The following DNAL1 variants were observed in gnomAD, a reference collection of about 807,000 sequenced individuals.
The protein encoded by DNAL1 is dynein axonemal light chain 1.
A neutral mutation model predicts 29.4 loss-of-function variants in DNAL1; 17 were observed. The observed-to-expected ratio is 0.58, with a 90% confidence interval of 0.40 to 0.87. DNAL1 has a LOEUF of 0.87. Ranked by LOEUF, DNAL1 falls within the 40% of genes least tolerant of loss-of-function variation. The pLI is 0.00. For missense variants in DNAL1, 188 were observed against 214.1 expected, an observed-to-expected ratio of 0.88 and a Z score of 0.76; for synonymous variants, 78 against 76.3, an observed-to-expected ratio of 1.02 and a Z score of -0.12.
chr14:73,678,511 C>CT (rs11379191), intron 5 of DNAL1, among the ~76,000 whole-genome samples: 25,998 of 118,096 alleles, frequency 0.22, 3,328 homozygotes, highest in African/African-American at 0.36. Flanking sequence ...AGCAGGTATT[C>CT]TTTTTTTTTT....
intron 7 of DNAL1, among the ~76,000 whole-genome samples, chr14:73,695,376 G>T (rs11624921): frequency 0.23 from 34,274 of 151,804 alleles, 5,039 homozygotes; most frequent in Non-Finnish European, 0.33. Context: ...TTTTATTTGC[G>T]ATTTGGCAGT....
chr14:73,690,000 C>G (rs1892129345), intron 7 of DNAL1, among the ~76,000 whole-genome samples: 1 of 144,924 alleles, frequency 6.9e-6, no homozygotes, highest in South Asian at 2.2e-4. Context: ...TGTGCCATTG[C>G]ACTCCAGCCT....
intron 7 of DNAL1, among the ~76,000 whole-genome samples, chr14:73,694,027 C>A (rs1470715473): frequency 3.9e-5 from 6 of 151,942 alleles, no homozygotes; most frequent in Non-Finnish European, 5.9e-5. Context: ...TCTTGGAAGG[C>A]ATCACTGAGG....
chr14:73,695,242 G>A lies in DNAL1; in HGVS notation c.533-660G>A, dbSNP rs1161320630. ...TGGCTAATTTTTTTTATTTTTTGTA[G>A]AGATGGGGTCTTGCTATGTTGCCCA... On this transcript the variant is annotated intron_variant, in intron 7 of 7. Transcript: ENST00000553645. Among the ~76,000 whole-genome samples the A allele has an allele frequency of 1.4e-4, 21 of 150,762 alleles. 1 individual carries two copies. Among genetic ancestry groups the A allele is most frequent in the Admixed American group, 1.4e-3 (21 of 15,106 alleles).
At chr14:73,680,561 A>G (rs1242894947) in intron 5 of DNAL1, among the ~76,000 whole-genome samples, 1 of 152,212 alleles carries the variant, frequency 6.6e-6, no homozygotes, top group Admixed American at 6.5e-5. Flanking sequence ...GTACAATGCT[A>G]TGTTTTGATA....
chr14:73,656,465 G>A (rs12896660), intron 2 of DNAL1, among the ~76,000 whole-genome samples: 27,638 of 140,648 alleles, frequency 0.2, 3,112 homozygotes, highest in African/African-American at 0.33. Flanking sequence ...ACAGTGTCTC[G>A]CTCTGTCACC....
At chr14:73,687,800 G>C (rs1036102731) in intron 6 of DNAL1, among the ~76,000 whole-genome samples, 2 of 152,110 alleles carry the variant, frequency 1.3e-5, no homozygotes, top group African/African-American at 4.8e-5. Flanking sequence ...GTGAACCCGG[G>C]AGGCGGAGCT....
At chr14:73,655,019 G>T in intron 2 of DNAL1, 134 bp downstream of exon 2, 1 of 877,982 alleles carries the variant, frequency 1.1e-6, no homozygotes. Flanking sequence ...TATGGTGGTG[G>T]ATGCATGAAC....
intron 2 of DNAL1, among the ~76,000 whole-genome samples, chr14:73,658,495 A>G (rs1025867898): frequency 5.3e-5 from 8 of 152,176 alleles, no homozygotes; most frequent in Admixed American, 6.6e-5. Flanking sequence ...ATTGGGAAGT[A>G]TGGTCATTTT....
At chr14:73,675,945 G>C (rs1891721201) in intron 5 of DNAL1, among the ~76,000 whole-genome samples, 1 of 152,098 alleles carries the variant, frequency 6.6e-6, no homozygotes, top group Non-Finnish European at 1.5e-5. Flanking sequence ...AATCCAGGAG[G>C]CAGAGGATGC....
chr14:73,668,723 C>T (rs1181334832), intron 4 of DNAL1, among the ~76,000 whole-genome samples: 2 of 152,122 alleles, frequency 1.3e-5, no homozygotes, highest in African/African-American at 4.8e-5. Flanking sequence ...ATCACCCAGG[C>T]TAGGGTGCAA....
At chr14:73,679,512 T>A (rs1047258930) in intron 5 of DNAL1, among the ~76,000 whole-genome samples, 1 of 151,262 alleles carries the variant, frequency 6.6e-6, no homozygotes, top group African/African-American at 2.4e-5. Context: ...GCTAATGAAG[T>A]AGAGGGGAAG....
intron 3 of DNAL1, 141 bp downstream of exon 3, chr14:73,659,097 G>C: frequency 1.8e-6 from 1 of 556,610 alleles, no homozygotes; most frequent in East Asian, 3.0e-5. Context: ...CTTTGGCAAG[G>C]TCAAACATGA....
At chr14:73,646,331 C>T (rs1890976114) in intron 1 of DNAL1, among the ~76,000 whole-genome samples, 1 of 152,204 alleles carries the variant, frequency 6.6e-6, no homozygotes, top group Non-Finnish European at 1.5e-5. Flanking sequence ...TTGCAAACAT[C>T]ATAGAATATG....
chr14:73,689,024 CTGT>C (rs1303357753), intron 6 of DNAL1, among the ~76,000 whole-genome samples: 3 of 113,132 alleles, frequency 2.7e-5, no homozygotes, highest in African/African-American at 9.4e-5. Flanking sequence ...GTAAAACTTG[CTGT>C]TTTTTTTTTT....
chr14:73,690,510 G>T (rs1225418867), intron 7 of DNAL1, among the ~76,000 whole-genome samples: 3 of 152,068 alleles, frequency 2.0e-5, no homozygotes, highest in South Asian at 4.1e-4. Flanking sequence ...AAATTAGCCG[G>T]ATGTGGTGGT....
intron 1 of DNAL1, among the ~76,000 whole-genome samples, chr14:73,652,116 G>A (rs1237852954): frequency 1.3e-5 from 2 of 152,038 alleles, no homozygotes; most frequent in Non-Finnish European, 2.9e-5. Flanking sequence ...GGCTCATGCA[G>A]CCCTGACCTC....
At position 73,683,684 on chromosome 14, in the gene DNAL1, T is replaced by A. The variant is rs146836343; in HGVS notation, c.265-3575T>A. Among the ~76,000 whole-genome samples, 604 of 150,318 alleles carry A rather than the reference T, an allele frequency of 4.0e-3. 1 individual carries two copies. The highest frequency in any genetic ancestry group is 0.01 in the Middle Eastern group (3 of 292). ...TCTCTACTTCCATGAGATCAGCTTT[T>A]TTTATTTATTTATTTATTATTATTA... On this transcript the variant is annotated intron_variant, in intron 5 of 7. Transcript: ENST00000553645.
At chr14:73,682,467 G>T (rs911037681) in intron 5 of DNAL1, among the ~76,000 whole-genome samples, 1 of 151,326 alleles carries the variant, frequency 6.6e-6, no homozygotes, top group African/African-American at 2.4e-5. Context: ...GGGATTACAG[G>T]CATGAGCCAC....
Sources: allele counts gnomAD v4.1 joint callset (sites outside exome capture counted in the v4.1 genomes callset), GRCh38; gene constraint gnomAD v4.1.1; transcripts MANE v1.5; gene names NCBI Gene and HGNC (gene_info 2026-07-23, HGNC 2026-07-21).